Variants in ADAMTS15 observed in about 807,000 individuals in gnomAD.
ADAMTS15 encodes the protein A disintegrin and metalloproteinase with thrombospondin motifs 15.
A neutral mutation model predicts 79.1 loss-of-function variants in ADAMTS15; 35 were observed. The ratio of observed to expected loss-of-function variants is 0.44; its 90% CI spans 0.34 to 0.59. The LOEUF is 0.59. Ranked by LOEUF, ADAMTS15 falls within the 20% of genes least tolerant of loss-of-function variation. The probability of loss-of-function intolerance (pLI) is 0.02; values close to 1 mark genes in which losing one functional copy is unlikely to be tolerated. For synonymous variants in ADAMTS15, 616 were observed against 567.3 expected, an observed-to-expected ratio of 1.09 and a Z score of -1.22; for missense variants, 1,324 against 1,318.7, an observed-to-expected ratio of 1.00 and a Z score of -0.06.
chr11:130,469,527 G>A (rs1314831283), intron 5 of ADAMTS15, 88 bp downstream of exon 5: 1 of 1,061,280 alleles, frequency 9.4e-7, no homozygotes, highest in Non-Finnish European at 1.2e-6. Context: ...TGTAATGCAT[G>A]GCCTCCAGGT....
Position 130,471,083 on chromosome 11 carries a change from C to T in ADAMTS15, c.1884C>T (p.Phe628=). The part of the protein sequence containing the change: ...LICRANGTGY[F]YVLAPKVVDG... The stretch of plus-strand genomic sequence containing the variant: ...GCCGAGCCAATGGCACTGGCTACTT[C>T]TATGTGCTGGCACCCAAGGTGAGTG... The change falls in exon 6 of 8, where the codon TTC becomes TTT. Residue 628 remains phenylalanine, a synonymous_variant. Transcript: ENST00000299164. The T allele has an allele frequency of 6.2e-7, 1 of 1,613,732 alleles. No homozygotes were observed. Among genetic ancestry groups the T allele is most frequent in the Non-Finnish European group, 8.5e-7 (1 of 1,179,826 alleles).
intron 4 of ADAMTS15, among the ~76,000 whole-genome samples, chr11:130,468,773 A>AT (rs959119815): frequency 2.0e-5 from 3 of 147,614 alleles, no homozygotes; most frequent in African/African-American, 7.6e-5. Flanking sequence ...TCAAAAAAAA[A>AT]AAAAAAAAAA....
chr11:130,451,266 T>C (rs941648086), intron 1 of ADAMTS15, among the ~76,000 whole-genome samples: 3 of 152,174 alleles, frequency 2.0e-5, no homozygotes, highest in African/African-American at 7.2e-5. Context: ...TGTTTCCAAA[T>C]GGTCACTCAA....
At chr11:130,452,797 A>G (rs568119940) in intron 1 of ADAMTS15, among the ~76,000 whole-genome samples, 128 of 152,300 alleles carry the variant, frequency 8.4e-4, no homozygotes, top group African/African-American at 2.9e-3. Context: ...CCTGGCCAAC[A>G]TGGTGAAACC....
In ADAMTS15 at chr11:130,473,593, C is replaced by T; in HGVS notation, c.2625C>T (p.Val875=). 1 of 1,609,652 alleles carries T rather than the reference C, an allele frequency of 6.2e-7. No homozygotes were observed. Among genetic ancestry groups the T allele is most frequent in the Non-Finnish European group, 8.5e-7 (1 of 1,178,758 alleles). ...GGGGCTCCGCCGGGCAGCGCACGGT[C>T]CCTGCCTGTGATGCAGCCCATCGGC... is the stretch of plus-strand genomic sequence containing the variant. ...DCRGSAGQRT[V]PACDAAHRPV... Residue 875 remains valine, a synonymous_variant, in exon 8 of 8, where the codon GTC becomes GTT. Transcript: ENST00000299164.
chr11:130,470,166 A>ATATATATG (rs1938408895), intron 5 of ADAMTS15, among the ~76,000 whole-genome samples: 10 of 57,582 alleles, frequency 1.7e-4, no homozygotes, highest in Middle Eastern at 7.1e-3. Flanking sequence ...ATATATATAT[A>ATATATATG]TATATATATA....
intron 1 of ADAMTS15, among the ~76,000 whole-genome samples, chr11:130,451,673 G>A (rs544221669): frequency 1.6e-4 from 24 of 152,294 alleles, no homozygotes; most frequent in African/African-American, 5.5e-4. Flanking sequence ...GTCACTCACT[G>A]GCTCCAAAAT....
At chr11:130,458,775 G>A (rs1347271555) in intron 1 of ADAMTS15, among the ~76,000 whole-genome samples, 1 of 152,158 alleles carries the variant, frequency 6.6e-6, no homozygotes, top group East Asian at 1.9e-4. Flanking sequence ...GAGTGTGCAG[G>A]GCAGCCCAGA....
rs150319594 is a variant in ADAMTS15, at chr11:130,463,253, C to A, written c.1542+473C>A. 1.2e-3 allele frequency among the ~76,000 whole-genome samples: 181 copies of A among 152,356 alleles called. 2 individuals carry two copies. The highest frequency in any genetic ancestry group is 0.011 in the East Asian group (55 of 5,186). Reference sequence around the variant, plus strand: ...AGCTGCAATGAAGCAAAGCCCTGGGCAAGCTTCGGGAATTGGCTGCATTCT... The same window carrying A: ...AGCTGCAATGAAGCAAAGCCCTGGGAAAGCTTCGGGAATTGGCTGCATTCT... On this transcript the variant is annotated intron_variant, in intron 4 of 7. Transcript: ENST00000299164.
At position 130,461,483 on chromosome 11, in the gene ADAMTS15, C is replaced by A; in HGVS notation, c.958-6C>A. Reference sequence around the variant, plus strand: ...GGCTGGCTTCTGCTTCTCCCCCACCCGGCAGGACCTGTGTGGAGCCACCAC... The same window carrying A: ...GGCTGGCTTCTGCTTCTCCCCCACCAGGCAGGACCTGTGTGGAGCCACCAC... On this transcript the variant is annotated splice_polypyrimidine_tract_variant and splice_region_variant and intron_variant, in intron 1 of 7. Coordinates refer to ENST00000299164, the MANE Select transcript of ADAMTS15 (RefSeq NM_139055.4). 6.2e-7 allele frequency: 1 copy of A among 1,614,080 alleles called. No homozygotes were observed. The highest frequency in any genetic ancestry group is 8.5e-7 in the Non-Finnish European group (1 of 1,180,020).
chr11:130,457,540 C>T (rs1938110896), intron 1 of ADAMTS15, among the ~76,000 whole-genome samples: 1 of 152,090 alleles, frequency 6.6e-6, no homozygotes, highest in Non-Finnish European at 1.5e-5. Flanking sequence ...AAGATGATTC[C>T]AGGATCATCT....
intron 1 of ADAMTS15, among the ~76,000 whole-genome samples, chr11:130,460,364 C>A (rs1271682448): frequency 2.0e-5 from 3 of 151,494 alleles, no homozygotes; most frequent in African/African-American, 7.3e-5. Flanking sequence ...GCAACCTCTG[C>A]CTCCCAGGTT....
In ADAMTS15 at chr11:130,471,339, C is replaced by T. The variant is rs1462628089; in HGVS notation, c.2034C>T (p.Asp678=). Residue 678 remains aspartate (D), a synonymous_variant, in exon 7 of 8, where the codon GAC becomes GAT. Coordinates refer to ENST00000299164, the MANE Select transcript of ADAMTS15 (RefSeq NM_139055.4). ...ACAAGTGTGGGGTGTGTGGGGGAGA[C>T]AATAAGAGCTGCAAGAAGGTGACTG... is the stretch of plus-strand genomic sequence containing the variant. The part of the protein sequence containing the change: ...RFDKCGVCGG[D]NKSCKKVTGL... The T allele has an allele frequency of 1.2e-6, 2 of 1,611,484 alleles. No homozygotes were observed. The highest frequency in any genetic ancestry group is 1.7e-6 in the Non-Finnish European group (2 of 1,179,456).
At chr11:130,460,754 TC>T (rs1435835254) in intron 1 of ADAMTS15, among the ~76,000 whole-genome samples, 1 of 152,224 alleles carries the variant, frequency 6.6e-6, no homozygotes, top group Non-Finnish European at 1.5e-5. Context: ...ATACTTCCTG[TC>T]AGGGTTTTCT....
In ADAMTS15 at chr11:130,449,022, G is replaced by A. The variant is rs1355967269; in HGVS notation, c.49G>A (p.Gly17Arg). The change falls in exon 1 of 8, where the codon GGA (glycine) becomes AGA (arginine). Residue 17 changes from glycine to arginine, a missense_variant. Physicochemically the swap from Gly to Arg is moderately radical, Grantham distance 125 (BLOSUM62 -2). Coordinates refer to ENST00000299164, the MANE Select transcript of ADAMTS15 (RefSeq NM_139055.4). This position sits in a 1 kb window ranked among gnomAD's most constrained non-coding sequence, Gnocchi z 7.8. Reference protein sequence around the residue: ...LTLAFAGRTAGGSEPEREVVV... With the variant: ...LTLAFAGRTARGSEPEREVVV... ...CCTGGCTTTCGCCGGGCGAACCGCT[G>A]GAGGCTCTGAGCCAGAGCGGGAGGT... The A allele has an allele frequency of 2.6e-6, 4 of 1,517,042 alleles. No homozygotes were observed. Among genetic ancestry groups the A allele is most frequent in the East Asian group, 2.3e-5 (1 of 43,738 alleles). The allele number at this position is 1,517,042 out of a possible 1,614,324, so 94.0% of individuals were successfully genotyped here.
chr11:130,450,140 A>C, intron 1 of ADAMTS15: 3 of 985,460 alleles, frequency 3.0e-6, no homozygotes, highest in Non-Finnish European at 3.6e-6. Context: ...CCATTGGAGG[A>C]GAGCCTGCGC....
intron 4 of ADAMTS15, among the ~76,000 whole-genome samples, chr11:130,465,090 A>G (rs766932401): frequency 3.3e-5 from 5 of 151,562 alleles, no homozygotes; most frequent in Admixed American, 6.6e-5. Flanking sequence ...TACTCTCCCA[A>G]CCTCCTGAAC....
At chr11:130,466,945 C>T (rs772157141) in intron 4 of ADAMTS15, among the ~76,000 whole-genome samples, 2 of 152,136 alleles carry the variant, frequency 1.3e-5, no homozygotes, top group African/African-American at 2.4e-5. Context: ...CAGCCCTTCC[C>T]AACTCCTCCC....
intron 1 of ADAMTS15, among the ~76,000 whole-genome samples, chr11:130,460,906 C>A (rs1938185730): frequency 6.6e-6 from 1 of 152,152 alleles, no homozygotes; most frequent in Non-Finnish European, 1.5e-5. Context: ...CTTCTGTAGC[C>A]AATGAAACTG....
Sources: gnomAD v4.1 joint callset for allele counts (sites outside exome capture counted in the v4.1 genomes callset) on GRCh38, gnomAD v4.1.1 for gene constraint, Gnocchi (gnomAD v3.1) non-coding constraint, MANE v1.5 for transcripts, NCBI Gene and HGNC (gene_info 2026-07-23, HGNC 2026-07-21) for gene names.